Variants in GALK2 observed in about 807,000 individuals in gnomAD.
GALK2 encodes the protein galactokinase 2.
Under a neutral mutation model 52.4 loss-of-function variants are expected in GALK2, and 36 were observed. The observed-to-expected ratio is 0.69, with a 90% CI of 0.53 to 0.91. The LOEUF (loss-of-function observed/expected upper bound fraction) is 0.91, where lower values mean the gene tolerates loss of function less well. Among genes scored for constraint, GALK2 ranks in the 40% least tolerant of loss-of-function variants. The pLI, the probability that GALK2 is intolerant of heterozygous loss-of-function variation, is 0.00. For synonymous variants in GALK2, 176 were observed against 199.1 expected (o/e 0.88, Z 0.98); for missense variants, 579 against 559.1 (o/e 1.04, Z -0.36).
chr15:49,162,149 C>T (rs1006974284), intron 1 of GALK2, among the ~76,000 whole-genome samples: 2 of 152,232 alleles, frequency 1.3e-5, no homozygotes, highest in African/African-American at 4.8e-5. Flanking sequence ...CTCCTCCCCC[C>T]TTAACTTTTC....
chr15:49,279,877 G>C (rs1181018726), intron 5 of GALK2, among the ~76,000 whole-genome samples: 2 of 152,200 alleles, frequency 1.3e-5, no homozygotes, highest in Non-Finnish European at 2.9e-5. Context: ...GGCTCTGTGT[G>C]TCAGCAGACT....
intron 7 of GALK2, among the ~76,000 whole-genome samples, chr15:49,290,295 C>T (rs7180168): frequency 0.25 from 38,176 of 152,192 alleles, 5,970 homozygotes; most frequent in Non-Finnish European, 0.35. Context: ...CAACAGCTCA[C>T]GGGCTGTGCA....
intron 5 of GALK2, among the ~76,000 whole-genome samples, chr15:49,250,528 T>G (rs2091547185): frequency 6.6e-6 from 1 of 152,184 alleles, no homozygotes; most frequent in Non-Finnish European, 1.5e-5. Flanking sequence ...TCAGAGAATT[T>G]ATATAATGTC....
At chr15:49,201,350 T>C (rs887942442) in intron 2 of GALK2, 100 bp downstream of exon 2, 16 of 640,156 alleles carry the variant, frequency 2.5e-5, no homozygotes, top group Non-Finnish European at 4.0e-5. Flanking sequence ...CAAAATAGAA[T>C]ATTTCACATG....
chr15:49,349,568 T>C (rs2041967216), intron 3 of GALK2, among the ~76,000 whole-genome samples: 1 of 152,198 alleles, frequency 6.6e-6, no homozygotes, highest in Admixed American at 6.5e-5. Context: ...GGTTCCTTTA[T>C]GGAATCCCTG....
chr15:49,258,224 T>G (rs1303203376), intron 5 of GALK2, among the ~76,000 whole-genome samples: 1 of 152,024 alleles, frequency 6.6e-6, no homozygotes, highest in Non-Finnish European at 1.5e-5. Context: ...CTCATGGAGC[T>G]TACAATTAAG....
chr15:49,320,986 C>A (rs939557961), intron 9 of GALK2, among the ~76,000 whole-genome samples: 1 of 152,176 alleles, frequency 6.6e-6, no homozygotes, highest in African/African-American at 2.4e-5. Flanking sequence ...CTGGAATTCT[C>A]TAATAAACTT....
chr15:49,317,914 T>C (rs1045811632), intron 8 of GALK2, among the ~76,000 whole-genome samples: 1 of 151,930 alleles, frequency 6.6e-6, no homozygotes, highest in African/African-American at 2.4e-5. Flanking sequence ...TGTCAGTGGG[T>C]TGGGAGCTAG....
intron 1 of GALK2, among the ~76,000 whole-genome samples, chr15:49,179,017 A>C (rs2085749143): frequency 1.3e-5 from 2 of 152,050 alleles, no homozygotes; most frequent in African/African-American, 4.8e-5. Flanking sequence ...TTTCACCATC[A>C]TAACCTCGTT....
At chr15:49,327,903 C>G (rs1232945955) in intron 9 of GALK2, 49 bp from the exon 10 acceptor site, 2 of 1,557,680 alleles carry the variant, frequency 1.3e-6, no homozygotes, top group Non-Finnish European at 1.7e-6. Context: ...AAGCAAATCC[C>G]TTGTATTTTC....
chr15:49,238,267 AAAGGTTATGAT>A (rs1366180797), intron 4 of GALK2, among the ~76,000 whole-genome samples: 3 of 152,222 alleles, frequency 2.0e-5, no homozygotes, highest in Non-Finnish European at 4.4e-5. Context: ...CTTAAACCAC[AAAGGTTATGAT>A]ATGATATCAT....
At chr15:49,362,187 T>C (rs1596542735) in intron 3 of GALK2, among the ~76,000 whole-genome samples, 1 of 152,124 alleles carries the variant, frequency 6.6e-6, no homozygotes, top group African/African-American at 2.4e-5. Flanking sequence ...TCCCCATGTG[T>C]TGGGGGAGGG....
chr15:49,319,556 G>T (rs893644211), intron 8 of GALK2, 48 bp from the exon 9 acceptor site: 18 of 1,505,416 alleles, frequency 1.2e-5, no homozygotes, highest in Non-Finnish European at 1.6e-5. Context: ...ATACTGGGTT[G>T]TCCAGTAACT....
intron 1 of GALK2, among the ~76,000 whole-genome samples, chr15:49,192,509 A>ATG (rs1162743450): frequency 7.2e-6 from 1 of 139,460 alleles, no homozygotes; most frequent in African/African-American, 2.7e-5. Context: ...ATATATATAT[A>ATG]TATATATATA....
chr15:49,234,086 T>A (rs2090654965), intron 3 of GALK2, among the ~76,000 whole-genome samples: 1 of 152,222 alleles, frequency 6.6e-6, no homozygotes, highest in South Asian at 2.1e-4. Flanking sequence ...ATATAGTAGA[T>A]ATTTAGTCAG....
chr15:49,272,730 C>A (rs1389444897), intron 5 of GALK2, among the ~76,000 whole-genome samples: 1 of 152,142 alleles, frequency 6.6e-6, no homozygotes, highest in Non-Finnish European at 1.5e-5. Context: ...CCTCCTCATG[C>A]AGTACAGGCC....
chr15:49,159,079 A>G (rs2084554243), intron 1 of GALK2: 1 of 152,126 alleles, frequency 6.6e-6, no homozygotes, highest in Non-Finnish European at 1.5e-5. Flanking sequence ...CTTCCAAAGC[A>G]CTGGTATTAC....
chr15:49,333,256 T>A (rs186644580), downstream of GALK2, among the ~76,000 whole-genome samples: 31 of 152,310 alleles, frequency 2.0e-4, no homozygotes, highest in East Asian at 5.8e-3. Flanking sequence ...TTACTAATCC[T>A]CCCTCTTTCT....
At chr15:49,169,309 G>A (rs146294682), upstream of GALK2, among the ~76,000 whole-genome samples, 176 of 151,870 alleles carry the variant, frequency 1.2e-3, 2 homozygotes, top group African/African-American at 4.2e-3. Context: ...AGCTGTCTTT[G>A]CTTGGGTTTA....
Sources: allele counts gnomAD v4.1 joint callset (sites outside exome capture counted in the v4.1 genomes callset), GRCh38; gene constraint gnomAD v4.1.1; transcripts MANE v1.5; gene names NCBI Gene and HGNC (gene_info 2026-07-23, HGNC 2026-07-21).